Variants in TBL1X observed in about 807,000 individuals in gnomAD.
TBL1X encodes F-box-like/WD repeat-containing protein TBL1X.
In TBL1X, 10 loss-of-function variants were observed where a neutral mutation model predicts 50.7. That is an observed-to-expected ratio of 0.20 (90% CI 0.12 to 0.33). The LOEUF (loss-of-function observed/expected upper bound fraction) is 0.33, where lower values mean the gene tolerates loss of function less well. Ranked by LOEUF, TBL1X falls within the 10% of genes least tolerant of loss-of-function variation. TBL1X has a pLI of 1.00. For synonymous variants in TBL1X, 190 were observed against 214.7 expected (o/e 0.88, Z 1.01); for missense variants, 340 against 504.4 (o/e 0.67, Z 3.12).
chrX:9,717,890 G>C lies in TBL1X; in HGVS notation c.*1644G>C, dbSNP rs1301544603. 2 of 112,266 alleles carry C rather than the reference G, an allele frequency of 1.8e-5. No homozygotes were observed. 9.3% of individuals were successfully genotyped at this position (112,266 alleles called of 1,213,427 possible). A position where few individuals can be genotyped will look rare whatever the true frequency, so the allele number is the denominator to read the frequency against. On this transcript the variant is annotated 3_prime_UTR_variant, in exon 18 of 18. Transcript: ENST00000645353. The stretch of plus-strand genomic sequence containing the variant: ...ATTTCTTTGTCTCACAGAAGACTAG[G>C]AGAAAGATCTTTTTTAAATAATCTT...
At chrX:9,506,744 T>C (rs776000280) in intron 2 of TBL1X, among the ~76,000 whole-genome samples, 21 of 111,952 alleles carry the variant, frequency 1.9e-4, no homozygotes, top group Non-Finnish European at 3.0e-4. Flanking sequence ...CAGGAAGAAG[T>C]TGAATCTCTG....
At chrX:9,586,048 G>A (rs150954607) in intron 2 of TBL1X, among the ~76,000 whole-genome samples, 75 of 112,250 alleles carry the variant, frequency 6.7e-4, no homozygotes, top group Non-Finnish European at 1.1e-3. Context: ...ATGCACTATT[G>A]GAAGGATCAT....
chrX:9,638,736 AC>A (rs900883310), intron 2 of TBL1X, among the ~76,000 whole-genome samples: 1 of 111,916 alleles, frequency 8.9e-6, no homozygotes, highest in African/African-American at 3.2e-5. Context: ...GTTTTAATTT[AC>A]AAGCAATTTG....
intron 2 of TBL1X, among the ~76,000 whole-genome samples, chrX:9,539,424 C>T (rs994504672): frequency 2.4e-4 from 27 of 111,479 alleles, no homozygotes; most frequent in South Asian, 1.9e-3. Context: ...TAGGCAAAAT[C>T]TTGGTGCAGG....
intron 2 of TBL1X, among the ~76,000 whole-genome samples, chrX:9,590,125 T>C (rs2082491844): frequency 8.9e-6 from 1 of 112,134 alleles, no homozygotes; most frequent in African/African-American, 3.2e-5. Context: ...GGGGATGTGC[T>C]GACTATAGGA....
In TBL1X at chrX:9,709,332, G is replaced by A. The variant is rs760766612; in HGVS notation, c.1311+10G>A. 1.7e-6 allele frequency: 2 copies of A among 1,208,403 alleles called. No homozygotes were observed. Among genetic ancestry groups the A allele is most frequent in the Non-Finnish European group, 2.2e-6 (2 of 893,867 alleles). On this transcript the variant is annotated intron_variant, in intron 14 of 17. Coordinates refer to ENST00000645353, the MANE Select transcript of TBL1X (RefSeq NM_005647.4). ...TGACATGACATTGAAGGTAGAGTCG[G>A]CATGGCAAGGGGTGGGCTGTTTAAT...
chrX:9,477,634 C>G (rs1054385198), intron 1 of TBL1X, among the ~76,000 whole-genome samples: 2 of 112,211 alleles, frequency 1.8e-5, no homozygotes, highest in Admixed American at 1.9e-4. Context: ...ACTCTTGAGT[C>G]TGACTTAAAA....
At chrX:9,573,244 G>A (rs1361833512) in intron 2 of TBL1X, among the ~76,000 whole-genome samples, 1 of 112,195 alleles carries the variant, frequency 8.9e-6, no homozygotes, top group Non-Finnish European at 1.9e-5. Context: ...GTGCTTTCAT[G>A]TTTTTGCTAA....
intron 2 of TBL1X, among the ~76,000 whole-genome samples, chrX:9,563,019 A>T (rs751789206): frequency 8.9e-6 from 1 of 112,488 alleles, no homozygotes; most frequent in Admixed American, 9.4e-5. Context: ...TGTGGTATTT[A>T]TGGAATGAGT....
chrX:9,552,959 A>G (rs2082277878), intron 2 of TBL1X, among the ~76,000 whole-genome samples: 2 of 111,501 alleles, frequency 1.8e-5, no homozygotes, highest in South Asian at 7.6e-4. Flanking sequence ...CCTGGGCAAC[A>G]GAGAGAGACC....
At position 9,541,079 on chromosome X, in the gene TBL1X, A is replaced by G. The variant is rs1483593709; in HGVS notation, c.-131+39230A>G. ...AGGAGCCTGCAAATCAGACAATATC[A>G]AAACATAACCAAACCATATAAAAAC... On this transcript the variant is annotated intron_variant, in intron 2 of 17. Coordinates refer to ENST00000645353, the MANE Select transcript of TBL1X (RefSeq NM_005647.4). Among the ~76,000 whole-genome samples, 5 of 112,191 alleles carry G rather than the reference A, an allele frequency of 4.5e-5. No homozygotes were observed. In the East Asian group the frequency reaches 1.4e-3, roughly 31 times the overall value.
At chrX:9,703,930 C>T (rs762296865) in intron 12 of TBL1X, among the ~76,000 whole-genome samples, 50 of 112,640 alleles carry the variant, frequency 4.4e-4, no homozygotes, top group Non-Finnish European at 8.3e-4. Context: ...TGGAGGCAGA[C>T]GCTCTGAGGA....
At chrX:9,498,974 A>G (rs1200528949) in intron 1 of TBL1X, among the ~76,000 whole-genome samples, 1 of 111,300 alleles carries the variant, frequency 9.0e-6, no homozygotes, top group Non-Finnish European at 1.9e-5. Flanking sequence ...GGGTTCTGGA[A>G]TGTCTCCCCT....
intron 2 of TBL1X, among the ~76,000 whole-genome samples, chrX:9,570,717 A>C (rs1428009093): frequency 1.2e-5 from 1 of 85,246 alleles, no homozygotes; most frequent in African/African-American, 4.8e-5. Flanking sequence ...TTGCTCTGTC[A>C]CCCAGGCTGG....
chrX:9,670,677 T>TC (rs2082955679), intron 5 of TBL1X, among the ~76,000 whole-genome samples: 2 of 112,618 alleles, frequency 1.8e-5, no homozygotes, highest in South Asian at 7.3e-4. Context: ...CCACTGTGTT[T>TC]CCTAGGGCCA....
At chrX:9,694,304 G>A (rs886737800) in intron 11 of TBL1X, among the ~76,000 whole-genome samples, 2 of 110,902 alleles carry the variant, frequency 1.8e-5, no homozygotes, top group African/African-American at 6.6e-5. Context: ...AACCATGCCT[G>A]AATACTGGAG....
intron 5 of TBL1X, among the ~76,000 whole-genome samples, chrX:9,658,079 C>T (rs903534884): frequency 9.0e-6 from 1 of 111,565 alleles, no homozygotes; most frequent in African/African-American, 3.3e-5. Context: ...TTCCCTTGCA[C>T]ACCTTCTCTT....
At chrX:9,593,962 G>C (rs1231535222) in intron 2 of TBL1X, among the ~76,000 whole-genome samples, 3 of 112,146 alleles carry the variant, frequency 2.7e-5, no homozygotes, top group African/African-American at 9.7e-5. Context: ...GTGTTCTGGG[G>C]ATTTCCCACC....
At chrX:9,496,214 A>G (rs944393095) in intron 1 of TBL1X, among the ~76,000 whole-genome samples, 1 of 111,795 alleles carries the variant, frequency 8.9e-6, no homozygotes, top group African/African-American at 3.3e-5. Flanking sequence ...GCCTGAGGAG[A>G]TGAAAGAGAG....
Sources: allele counts gnomAD v4.1 joint callset (sites outside exome capture counted in the v4.1 genomes callset), GRCh38; gene constraint gnomAD v4.1.1; transcripts MANE v1.5; gene names NCBI Gene and HGNC (gene_info 2026-07-23, HGNC 2026-07-21).